Variants in NRXN3 observed in about 807,000 individuals in gnomAD.
The protein encoded by NRXN3 is neurexin 3.
A neutral mutation model predicts 137.6 loss-of-function variants in NRXN3; 32 were observed. That is an observed-to-expected ratio of 0.23 (90% CI 0.18 to 0.31). The LOEUF (loss-of-function observed/expected upper bound fraction) is 0.31, where lower values mean the gene tolerates loss of function less well. NRXN3 is among the 10% of genes least tolerant of loss of function. The pLI, the probability that NRXN3 is intolerant of heterozygous loss-of-function variation, is 1.00. For missense variants in NRXN3, 1,574 were observed against 2,062.5 expected (o/e 0.76, Z 4.59); for synonymous variants, 798 against 784.5 (o/e 1.02, Z -0.29).
chr14:79,716,852 A>T, intron 19 of NRXN3, among the ~76,000 whole-genome samples: 1 of 152,158 alleles, frequency 6.6e-6, no homozygotes, highest in East Asian at 1.9e-4. Flanking sequence ...TTCATTCGTT[A>T]TCATTGTTGT....
intron 15 of NRXN3, among the ~76,000 whole-genome samples, chr14:79,350,151 A>G (rs1215045059): frequency 6.6e-6 from 1 of 152,236 alleles, no homozygotes; most frequent in Non-Finnish European, 1.5e-5. Context: ...AGAATGTGGA[A>G]TCCAAAGAAA....
At chr14:79,325,366 G>A (rs531290043) in intron 15 of NRXN3, among the ~76,000 whole-genome samples, 2 of 152,092 alleles carry the variant, frequency 1.3e-5, no homozygotes, top group African/African-American at 4.8e-5. Context: ...TCACATGTTG[G>A]CCACTCCCGA....
intron 15 of NRXN3, among the ~76,000 whole-genome samples, chr14:79,101,947 G>C (rs1353548374): frequency 1.3e-5 from 2 of 152,028 alleles, no homozygotes; most frequent in Non-Finnish European, 2.9e-5. Context: ...AGGGAAAAAT[G>C]CCACGTGAAG....
chr14:79,615,219 CA>C (rs1300032150), intron 16 of NRXN3, among the ~76,000 whole-genome samples: 1 of 152,020 alleles, frequency 6.6e-6, no homozygotes, highest in African/African-American at 2.4e-5. Context: ...CACGGGAAGA[CA>C]AAAATTAAAG....
rs540677823 is a variant in NRXN3 at position 79,122,766 on chromosome 14, T to C, written c.3262+134625T>C. Among the ~76,000 whole-genome samples the C allele has an allele frequency of 2.7e-3, 411 of 152,282 alleles. 2 individuals are homozygous for C. Among genetic ancestry groups the C allele is most frequent in the African/African-American group, 9.3e-3 (388 of 41,548 alleles). ...TTACAAATCTTTACCAAGTGCCTAT[T>C]ACGTGCCAGATCCCACACCAGGCTT... On this transcript the variant is annotated intron_variant, in intron 15 of 20. Transcript: ENST00000335750.
At chr14:78,593,060 T>C (rs974432265) in intron 4 of NRXN3, among the ~76,000 whole-genome samples, 6 of 152,192 alleles carry the variant, frequency 3.9e-5, no homozygotes, top group Non-Finnish European at 7.3e-5. Flanking sequence ...CTCATTAGTA[T>C]TTCTCCACTG....
At chr14:78,645,059 T>C in intron 4 of NRXN3, 61 bp from the exon 5 acceptor site, 1 of 1,417,410 alleles carries the variant, frequency 7.1e-7, no homozygotes, top group Admixed American at 2.2e-5. Context: ...CTTTGGTATT[T>C]GCATAGGTCT....
At chr14:78,626,179 A>G (rs1194126289) in intron 4 of NRXN3, among the ~76,000 whole-genome samples, 1 of 152,218 alleles carries the variant, frequency 6.6e-6, no homozygotes, top group Non-Finnish European at 1.5e-5. Flanking sequence ...TACTCCAGCA[A>G]CACCTGACCC....
chr14:79,643,589 A>G lies in NRXN3; in HGVS notation c.3445-20189A>G, dbSNP rs2098442120. 1.5e-5 allele frequency among the ~76,000 whole-genome samples: 2 copies of G among 135,352 alleles called. 1 individual carries two copies. The highest frequency in any genetic ancestry group is 3.4e-5 in the Non-Finnish European group (2 of 58,182). The allele number at this position is 135,352 out of a possible 152,430, so 88.8% of individuals were successfully genotyped here. On this transcript the variant is annotated intron_variant, in intron 16 of 20. Coordinates refer to ENST00000335750, the MANE Select transcript of NRXN3 (RefSeq NM_001330195.2). Reference sequence around the variant, plus strand: ...TGAAAGCCTAACATGATTTGGCCTCAACCTACCTTTTTTTATCCAGTAAAA... The same window carrying G: ...TGAAAGCCTAACATGATTTGGCCTCGACCTACCTTTTTTTATCCAGTAAAA...
At chr14:79,142,806 G>A (rs2058928245) in intron 15 of NRXN3, among the ~76,000 whole-genome samples, 1 of 152,138 alleles carries the variant, frequency 6.6e-6, no homozygotes, top group Admixed American at 6.5e-5. Flanking sequence ...TGGAGGTGGG[G>A]AAAAGAGAGC....
intron 8 of NRXN3, among the ~76,000 whole-genome samples, chr14:78,752,816 C>T (rs1159324158): frequency 6.6e-6 from 1 of 152,114 alleles, no homozygotes; most frequent in Admixed American, 6.5e-5. Context: ...TCATTTCACG[C>T]AGGGGGTTGT....
At chr14:78,482,243 G>A (rs1477216529) in intron 4 of NRXN3, among the ~76,000 whole-genome samples, 1 of 152,136 alleles carries the variant, frequency 6.6e-6, no homozygotes, top group Non-Finnish European at 1.5e-5. Context: ...GGAAACGGAG[G>A]CTATTCAAAG....
chr14:79,572,926 G>A (rs2097622829), intron 16 of NRXN3: 1 of 152,116 alleles, frequency 6.6e-6, no homozygotes, highest in African/African-American at 2.4e-5. Context: ...ATTTCACAAG[G>A]AACAATATGT....
At chr14:79,604,202 A>C (rs1200870112) in intron 16 of NRXN3, among the ~76,000 whole-genome samples, 1 of 150,140 alleles carries the variant, frequency 6.7e-6, no homozygotes, top group African/African-American at 2.5e-5. Flanking sequence ...GAACAATCCT[A>C]TTTTCTAATT....
At chr14:79,122,519 G>A (rs1469732714) in intron 15 of NRXN3, among the ~76,000 whole-genome samples, 1 of 152,048 alleles carries the variant, frequency 6.6e-6, no homozygotes. Context: ...AGAAGAGTTA[G>A]GAATCGTTTT....
chr14:78,964,616 G>A (rs560309907), intron 11 of NRXN3, among the ~76,000 whole-genome samples: 18 of 130,364 alleles, frequency 1.4e-4, no homozygotes, highest in Non-Finnish European at 1.3e-4. Flanking sequence ...AATGTAGAAG[G>A]TAACAAGAGA....
At chr14:78,627,419 A>G (rs1272530271) in intron 4 of NRXN3, among the ~76,000 whole-genome samples, 1 of 152,170 alleles carries the variant, frequency 6.6e-6, no homozygotes, top group East Asian at 1.9e-4. Context: ...GGCAACTTAC[A>G]TGAAATGAGC....
At chr14:78,247,060 G>T (rs1341219385) in intron 2 of NRXN3, among the ~76,000 whole-genome samples, 2 of 152,206 alleles carry the variant, frequency 1.3e-5, no homozygotes, top group African/African-American at 2.4e-5. Context: ...AGGGAGAGCT[G>T]CGAGGGCCTC....
chr14:78,606,668 G>A (rs988455023), intron 4 of NRXN3, among the ~76,000 whole-genome samples: 3 of 152,152 alleles, frequency 2.0e-5, no homozygotes, highest in Admixed American at 2.0e-4. Context: ...ACTAAAATAT[G>A]CTGCTAGTTT....
Sources: allele counts gnomAD v4.1 joint callset (sites outside exome capture counted in the v4.1 genomes callset), GRCh38; gene constraint gnomAD v4.1.1; transcripts MANE v1.5; gene names NCBI Gene and HGNC (gene_info 2026-07-23, HGNC 2026-07-21).